NLGN1: variants seen among roughly 807,000 people sequenced by gnomAD.
NLGN1 encodes neuroligin 1.
A neutral mutation model predicts 65.5 loss-of-function variants in NLGN1; 12 were observed. The observed-to-expected ratio is 0.18, with a 90% CI of 0.12 to 0.30. NLGN1 has a LOEUF of 0.30. Ranked by LOEUF, NLGN1 falls within the 10% of genes least tolerant of loss-of-function variation. The pLI is 1.00. For missense variants in NLGN1, 750 were observed against 1,007.1 expected (o/e 0.74, Z 3.46); for synonymous variants, 350 against 359.5 (o/e 0.97, Z 0.30).
At chr3:173,855,123 G>A (rs1355902561) in intron 4 of NLGN1, among the ~76,000 whole-genome samples, 3 of 152,064 alleles carry the variant, frequency 2.0e-5, no homozygotes, top group African/African-American at 7.2e-5. Flanking sequence ...ACAAAATGTA[G>A]GTAAATTCTT....
intron 2 of NLGN1, among the ~76,000 whole-genome samples, chr3:173,560,540 A>C (rs557585339): frequency 2.5e-4 from 38 of 151,196 alleles, no homozygotes; most frequent in African/African-American, 9.2e-4. Context: ...TTTTTTTATT[A>C]TTCTAGCTTC....
chr3:173,975,598 T>C (rs1717249933), intron 4 of NLGN1, among the ~76,000 whole-genome samples: 1 of 151,912 alleles, frequency 6.6e-6, no homozygotes, highest in Non-Finnish European at 1.5e-5. Context: ...AAAATTGAGA[T>C]TCAGACAGGG....
intron 4 of NLGN1, among the ~76,000 whole-genome samples, chr3:174,111,381 A>T (rs1195764906): frequency 6.6e-6 from 1 of 151,954 alleles, no homozygotes; most frequent in Non-Finnish European, 1.5e-5. Flanking sequence ...AATTTAATAA[A>T]AGCCAGAACT....
intron 2 of NLGN1, among the ~76,000 whole-genome samples, chr3:173,527,821 A>G (rs1735907410): frequency 6.6e-6 from 1 of 152,160 alleles, no homozygotes; most frequent in African/African-American, 2.4e-5. Context: ...AGGTGTCTTT[A>G]GGCATTAGGT....
intron 4 of NLGN1, among the ~76,000 whole-genome samples, chr3:174,268,519 G>A (rs926881485): frequency 6.6e-6 from 1 of 152,096 alleles, no homozygotes; most frequent in Non-Finnish European, 1.5e-5. Flanking sequence ...TCAGAGCTAA[G>A]TAAATTAGGG....
rs879893098 is a variant in NLGN1, at chr3:173,815,127, C to CT, written c.646+7307dup. On this transcript the variant is annotated intron_variant, in intron 4 of 6. Transcript: ENST00000457714. ...TGCCTTCCTTCATTCCTTCCTTTTT[C>CT]TTTTTTTTTTTTAAGATGGAGTCTC... Among the ~76,000 whole-genome samples, 235 of 129,632 alleles carry CT rather than the reference C, an allele frequency of 1.8e-3. 2 individuals carry two copies. The highest frequency in any genetic ancestry group is 0.012 in the Middle Eastern group (3 of 250). The allele number at this position is 129,632 out of a possible 152,430, so 85.0% of individuals were successfully genotyped here.
chr3:174,002,281 C>T (rs1391608117), intron 4 of NLGN1, among the ~76,000 whole-genome samples: 2 of 152,114 alleles, frequency 1.3e-5, no homozygotes, highest in Non-Finnish European at 2.9e-5. Flanking sequence ...TTGCCCACCA[C>T]CATGCCCGGC....
chr3:173,675,887 T>TCTCTCTCACA (rs756157881), intron 3 of NLGN1, among the ~76,000 whole-genome samples: 2,062 of 138,582 alleles, frequency 0.015, 24 homozygotes, highest in Middle Eastern at 0.031. Flanking sequence ...TCTCTCTCTC[T>TCTCTCTCACA]CACACACACA....
At chr3:174,138,504 T>C (rs1721644177) in intron 4 of NLGN1, among the ~76,000 whole-genome samples, 1 of 151,044 alleles carries the variant, frequency 6.6e-6, no homozygotes, top group Admixed American at 6.6e-5. Context: ...GCGCCATCTC[T>C]GCACACTACA....
chr3:173,753,021 A>C (rs555821189), intron 3 of NLGN1, among the ~76,000 whole-genome samples: 1 of 152,110 alleles, frequency 6.6e-6, no homozygotes, highest in African/African-American at 2.4e-5. Flanking sequence ...CAACTCATGG[A>C]CATTGTTCAA....
intron 2 of NLGN1, among the ~76,000 whole-genome samples, chr3:173,483,174 G>C (rs1041783358): frequency 6.6e-6 from 1 of 151,922 alleles, no homozygotes; most frequent in African/African-American, 2.4e-5. Context: ...TGTTGTTTAT[G>C]TTTTTTCTTT....
intron 4 of NLGN1, among the ~76,000 whole-genome samples, chr3:173,854,946 A>G (rs1472855283): frequency 6.6e-6 from 1 of 152,156 alleles, no homozygotes; most frequent in Admixed American, 6.5e-5. Flanking sequence ...AACAAAAACT[A>G]GTAAATGTTT....
At chr3:173,727,376 A>C (rs1771973552) in intron 3 of NLGN1, among the ~76,000 whole-genome samples, 1 of 152,184 alleles carries the variant, frequency 6.6e-6, no homozygotes, top group Non-Finnish European at 1.5e-5. Context: ...AAAAAGTAGA[A>C]AAATATTTAT....
intron 4 of NLGN1, among the ~76,000 whole-genome samples, chr3:174,222,826 G>A (rs1156284622): frequency 1.3e-5 from 2 of 152,082 alleles, no homozygotes; most frequent in Non-Finnish European, 2.9e-5. Context: ...GACCATTCCA[G>A]TTGCTATCTG....
At chr3:173,765,084 GTGTGTGTGTGTGTGTA>G (rs1018878184) in intron 3 of NLGN1, among the ~76,000 whole-genome samples, 35 of 150,806 alleles carry the variant, frequency 2.3e-4, no homozygotes, top group African/African-American at 8.3e-4. Flanking sequence ...GTGTGTGTGT[GTGTGTGTGTGTGTGTA>G]TGTATGCACA....
Position 173,432,520 on chromosome 3 carries a change from A to C in NLGN1, c.-389-2490A>C, listed in dbSNP as rs151243078. 2.8e-4 allele frequency among the ~76,000 whole-genome samples: 43 copies of C among 152,298 alleles called. 1 individual carries two copies. In the East Asian group the frequency reaches 8.3e-3, roughly 29 times the overall value. ...TTTCTGTGCTTATTTACATCTGTATAACTTCTTTGGTGAGGTGTTTACTAA... is the reference window on the plus strand; with the variant it reads ...TTTCTGTGCTTATTTACATCTGTATCACTTCTTTGGTGAGGTGTTTACTAA... On this transcript the variant is annotated intron_variant, in intron 1 of 6. Coordinates refer to ENST00000457714, the Ensembl canonical transcript of NLGN1.
At chr3:173,624,850 T>C (rs62982962) in intron 3 of NLGN1, among the ~76,000 whole-genome samples, 2 of 144,012 alleles carry the variant, frequency 1.4e-5, no homozygotes, top group South Asian at 2.2e-4. Flanking sequence ...TTTTTTTTTT[T>C]CCTATTTTAT....
intron 3 of NLGN1, among the ~76,000 whole-genome samples, chr3:173,753,517 C>T (rs1028639490): frequency 6.6e-6 from 1 of 152,110 alleles, no homozygotes; most frequent in African/African-American, 2.4e-5. Flanking sequence ...AATAGGCTGT[C>T]TTCCTACTAA....
chr3:173,642,026 C>T (rs1011055559), intron 3 of NLGN1, among the ~76,000 whole-genome samples: 2 of 151,924 alleles, frequency 1.3e-5, no homozygotes. Flanking sequence ...CTCTCTCTCT[C>T]TCTCTCTCTC....
Sources: gnomAD v4.1 joint callset for allele counts (sites outside exome capture counted in the v4.1 genomes callset) on GRCh38, gnomAD v4.1.1 for gene constraint, MANE v1.5 for transcripts, NCBI Gene and HGNC (gene_info 2026-07-23, HGNC 2026-07-21) for gene names.